The following RALGPS1 variants were observed in gnomAD, a reference collection of about 807,000 sequenced individuals.
RALGPS1 encodes the protein ras-specific guanine nucleotide-releasing factor RalGPS1.
In RALGPS1, 19 loss-of-function variants were observed where a neutral mutation model predicts 78.8. The ratio of observed to expected loss-of-function variants is 0.24; its 90% confidence interval spans 0.17 to 0.35. RALGPS1 has a LOEUF of 0.35. Ranked by LOEUF, RALGPS1 falls within the 10% of genes least tolerant of loss-of-function variation. The probability of loss-of-function intolerance (pLI) is 1.00; values close to 1 mark genes in which losing one functional copy is unlikely to be tolerated. For missense variants in RALGPS1, 454 were observed against 688.3 expected, an observed-to-expected ratio of 0.66 and a Z score of 3.81; for synonymous variants, 228 against 256.3, an observed-to-expected ratio of 0.89 and a Z score of 1.06.
chr9:127,024,901 CT>C (rs1011022379), intron 4 of RALGPS1, among the ~76,000 whole-genome samples: 3 of 151,970 alleles, frequency 2.0e-5, no homozygotes, highest in Admixed American at 6.6e-5. Flanking sequence ...GGACTCTTTC[CT>C]TTTTTTTCCT....
intron 8 of RALGPS1, among the ~76,000 whole-genome samples, chr9:127,119,912 T>C: frequency 1.3e-5 from 2 of 152,238 alleles, no homozygotes; most frequent in Non-Finnish European, 2.9e-5. Context: ...CAGGGAAACC[T>C]GTGGCTTCAG....
chr9:126,941,675 A>G (rs1018464362), intron 1 of RALGPS1, among the ~76,000 whole-genome samples: 1 of 152,110 alleles, frequency 6.6e-6, no homozygotes, highest in East Asian at 1.9e-4. Context: ...ACAGTGCTTG[A>G]TATATACTAG....
intron 8 of RALGPS1, among the ~76,000 whole-genome samples, chr9:127,077,684 G>A (rs2136059688): frequency 2.0e-5 from 3 of 152,284 alleles, no homozygotes; most frequent in African/African-American, 7.2e-5. Flanking sequence ...CCACATGCAG[G>A]AAATCCAGCC....
At chr9:127,108,109 G>A (rs755814415) in intron 8 of RALGPS1, 2 of 1,613,076 alleles carry the variant, frequency 1.2e-6, no homozygotes, top group Non-Finnish European at 1.7e-6. Context: ...CCTGGCCGAG[G>A]GCACCCTCTG....
At chr9:127,011,890 G>T (rs1035639928) in intron 4 of RALGPS1, among the ~76,000 whole-genome samples, 1 of 152,206 alleles carries the variant, frequency 6.6e-6, no homozygotes, top group Admixed American at 6.5e-5. Flanking sequence ...CTCATTGGCA[G>T]GTCAGCATGG....
intron 1 of RALGPS1, among the ~76,000 whole-genome samples, chr9:126,941,753 C>G (rs1029313740): frequency 6.6e-6 from 1 of 152,162 alleles, no homozygotes; most frequent in African/African-American, 2.4e-5. Flanking sequence ...GGACATTGCT[C>G]TCTGTCAGGA....
intron 8 of RALGPS1, among the ~76,000 whole-genome samples, chr9:127,160,787 AT>A (rs1176154806): frequency 6.6e-6 from 1 of 152,164 alleles, no homozygotes; most frequent in Non-Finnish European, 1.5e-5. Context: ...TCAAATCCTG[AT>A]TCTCTCACTT....
At chr9:127,059,538 T>C (rs977577139) in intron 7 of RALGPS1, among the ~76,000 whole-genome samples, 3 of 152,212 alleles carry the variant, frequency 2.0e-5, no homozygotes, top group Admixed American at 1.3e-4. Context: ...TGACTTCTTT[T>C]GTTGCTATGG....
chr9:126,945,447 C>T (rs993208955), intron 1 of RALGPS1, among the ~76,000 whole-genome samples: 15 of 152,316 alleles, frequency 9.8e-5, no homozygotes, highest in Admixed American at 7.2e-4. Context: ...ATTTGCCTGC[C>T]TCAGCCTCCC....
intron 4 of RALGPS1, among the ~76,000 whole-genome samples, chr9:127,003,027 C>T (rs1475676223): frequency 6.6e-6 from 1 of 152,178 alleles, no homozygotes; most frequent in Non-Finnish European, 1.5e-5. Flanking sequence ...GCCACACTGA[C>T]TTCCACAATG....
At chr9:127,185,281 C>T (rs1233400598) in intron 11 of RALGPS1, among the ~76,000 whole-genome samples, 1 of 152,232 alleles carries the variant, frequency 6.6e-6, no homozygotes, top group Non-Finnish European at 1.5e-5. Context: ...TCGTTGAACT[C>T]CAGGCTTCTT....
intron 8 of RALGPS1, among the ~76,000 whole-genome samples, chr9:127,128,736 G>A (rs2056805377): frequency 1.3e-5 from 2 of 152,234 alleles, no homozygotes; most frequent in Admixed American, 6.5e-5. Context: ...CCGGGTGGGG[G>A]AACCACATGT....
intron 1 of RALGPS1, among the ~76,000 whole-genome samples, chr9:126,919,750 TG>T (rs1331993128): frequency 2.6e-5 from 4 of 152,210 alleles, no homozygotes; most frequent in Non-Finnish European, 5.9e-5. Context: ...AGATATTTAC[TG>T]GACAATTAAG....
At chr9:127,207,488 T>A (rs2061997567) in intron 14 of RALGPS1, among the ~76,000 whole-genome samples, 1 of 152,222 alleles carries the variant, frequency 6.6e-6, no homozygotes. Flanking sequence ...AGCCCCTATG[T>A]CAGTTACCAA....
At chr9:127,159,093 A>T (rs527686356) in intron 8 of RALGPS1, among the ~76,000 whole-genome samples, 1 of 152,280 alleles carries the variant, frequency 6.6e-6, no homozygotes, top group South Asian at 2.1e-4. Context: ...ATGAGCTAGT[A>T]CATGTAATAT....
chr9:126,963,758 A>G (rs929769985), intron 2 of RALGPS1, among the ~76,000 whole-genome samples: 3 of 152,230 alleles, frequency 2.0e-5, no homozygotes, highest in Admixed American at 6.5e-5. Context: ...CACAGCTGCC[A>G]TGTGGGTGGG....
intron 4 of RALGPS1, among the ~76,000 whole-genome samples, chr9:127,015,483 G>A (rs995629301): frequency 3.9e-5 from 6 of 152,146 alleles, no homozygotes; most frequent in Non-Finnish European, 2.9e-5. Context: ...GAACAGGACT[G>A]CGAACAGATC....
chr9:126,936,894 C>G (rs1351317001), intron 1 of RALGPS1, among the ~76,000 whole-genome samples: 5 of 149,922 alleles, frequency 3.3e-5, no homozygotes, highest in African/African-American at 7.4e-5. Flanking sequence ...GTTGTCCAGG[C>G]TGGAGTACAG....
At chr9:126,978,502 G>A (rs1448218713) in intron 4 of RALGPS1, among the ~76,000 whole-genome samples, 1 of 151,652 alleles carries the variant, frequency 6.6e-6, no homozygotes, top group African/African-American at 2.4e-5. Context: ...TAGCTGAATA[G>A]GGAGGCTGAG....
Sources: gnomAD v4.1 joint callset for allele counts (sites outside exome capture counted in the v4.1 genomes callset) on GRCh38, gnomAD v4.1.1 for gene constraint, MANE v1.5 for transcripts, NCBI Gene and HGNC (gene_info 2026-07-23, HGNC 2026-07-21) for gene names.